CSMD1: variants seen among roughly 807,000 people sequenced by gnomAD.
The protein encoded by CSMD1 is CUB and Sushi multiple domains 1.
A neutral mutation model predicts 417.5 loss-of-function variants in CSMD1; 213 were observed. That is an observed-to-expected ratio of 0.51 (90% CI 0.46 to 0.57). The LOEUF is 0.57. Among genes scored for constraint, CSMD1 ranks in the 20% least tolerant of loss-of-function variants. The probability of loss-of-function intolerance (pLI) is 0.00; values close to 1 mark genes in which losing one functional copy is unlikely to be tolerated. For synonymous variants in CSMD1, 2,862 were observed against 1,736.8 expected (o/e 1.65, Z -16.11); for missense variants, 6,923 against 4,529.7 (o/e 1.53, Z -15.17).
chr8:4,745,374 G>T (rs1182696224), intron 1 of CSMD1, among the ~76,000 whole-genome samples: 1 of 152,150 alleles, frequency 6.6e-6, no homozygotes, highest in Non-Finnish European at 1.5e-5. Context: ...TTTAGTAACA[G>T]CACCTAAGCT....
chr8:3,158,275 G>A (rs1819658452), intron 38 of CSMD1, among the ~76,000 whole-genome samples: 1 of 146,522 alleles, frequency 6.8e-6, no homozygotes, highest in African/African-American at 2.7e-5. Flanking sequence ...GGCAAAATAT[G>A]CATTTTTTTT....
At chr8:4,630,050 C>G (rs981275938) in intron 2 of CSMD1, among the ~76,000 whole-genome samples, 2 of 152,088 alleles carry the variant, frequency 1.3e-5, no homozygotes, top group African/African-American at 4.8e-5. Context: ...TTAAAAAAAG[C>G]CAAGATATGG....
chr8:4,594,866 T>G (rs1161075829), intron 2 of CSMD1, among the ~76,000 whole-genome samples: 1 of 152,204 alleles, frequency 6.6e-6, no homozygotes, highest in Non-Finnish European at 1.5e-5. Flanking sequence ...ATCTTCATCA[T>G]GCTGAAGAGA....
chr8:4,430,037 G>A (rs1215195349), intron 2 of CSMD1, among the ~76,000 whole-genome samples: 3 of 152,170 alleles, frequency 2.0e-5, no homozygotes, highest in African/African-American at 7.2e-5. Context: ...TCGACTGCCT[G>A]AGTTTTCAGA....
chr8:3,611,291 T>C (rs925501709), intron 8 of CSMD1, among the ~76,000 whole-genome samples: 91 of 152,090 alleles, frequency 6.0e-4, no homozygotes, highest in African/African-American at 2.0e-3. Context: ...GGGAAAATGA[T>C]TGTTTTAATA....
chr8:3,452,815 G>A (rs1012701555), intron 12 of CSMD1, among the ~76,000 whole-genome samples: 10 of 152,178 alleles, frequency 6.6e-5, no homozygotes, highest in African/African-American at 1.9e-4. Flanking sequence ...TTGGTATCAG[G>A]ATGATGTTGG....
intron 18 of CSMD1, among the ~76,000 whole-genome samples, chr8:3,382,415 AAC>A (rs1810685640): frequency 1.4e-5 from 2 of 143,108 alleles, no homozygotes; most frequent in African/African-American, 2.5e-5. Context: ...TATAATATAT[AAC>A]ACATAATATA....
chr8:4,952,908 C>G (rs956015032), intron 1 of CSMD1, among the ~76,000 whole-genome samples: 1 of 152,112 alleles, frequency 6.6e-6, no homozygotes, highest in Middle Eastern at 3.2e-3. Flanking sequence ...GAAATCTATA[C>G]TGAACTGATT....
chr8:3,550,826 A>G (rs1798877847), intron 10 of CSMD1, among the ~76,000 whole-genome samples: 1 of 152,208 alleles, frequency 6.6e-6, no homozygotes, highest in South Asian at 2.1e-4. Flanking sequence ...GTTGGATGGA[A>G]GAGTAAATAT....
rs939680033 is a variant in CSMD1 at position 4,067,604 on chromosome 8, C to T, written c.416-35505G>A. ...CATTTTTGTTTATTAATTATCAATT[C>T]TTTTATTCATCCAAAATGACCCTAC... On this transcript the variant is annotated intron_variant, in intron 3 of 69. Coordinates refer to ENST00000635120, the MANE Select transcript of CSMD1 (RefSeq NM_033225.6). Among the ~76,000 whole-genome samples the T allele has an allele frequency of 3.3e-5, 5 of 152,148 alleles. No homozygotes were observed. In the East Asian group the frequency reaches 5.8e-4, roughly 18 times the overall value.
Position 3,998,119 on chromosome 8 carries a change from G to A in CSMD1, c.611-9C>T, listed in dbSNP as rs527950824. On this transcript the variant is annotated splice_polypyrimidine_tract_variant and intron_variant, in intron 4 of 69. Coordinates refer to ENST00000635120, the MANE Select transcript of CSMD1 (RefSeq NM_033225.6). Reference sequence around the variant, plus strand: ...TCCGCAGGCTCCCTCAGCTGCAGGGGCAAAAGCAGAAAGAAAGCATCACAT... The same window carrying A: ...TCCGCAGGCTCCCTCAGCTGCAGGGACAAAAGCAGAAAGAAAGCATCACAT... 6.4e-6 allele frequency: 10 copies of A among 1,551,262 alleles called. No individual in the cohort carries two copies. Among genetic ancestry groups the A allele is most frequent in the Middle Eastern group, 1.9e-4 (1 of 5,190 alleles).
chr8:3,422,663 G>A (rs566418735), intron 12 of CSMD1, among the ~76,000 whole-genome samples: 1 of 152,232 alleles, frequency 6.6e-6, no homozygotes, highest in Non-Finnish European at 1.5e-5. Context: ...ATCTATTTTC[G>A]ATGCATTTTT....
intron 1 of CSMD1, among the ~76,000 whole-genome samples, chr8:4,943,510 A>C (rs1808163931): frequency 1.8e-3 from 4 of 2,228 alleles, no homozygotes; most frequent in South Asian, 0.05. Flanking sequence ...AAATAAAATG[A>C]AATAAAATAA....
At chr8:3,935,104 T>G (rs144765985) in intron 5 of CSMD1, among the ~76,000 whole-genome samples, 1 of 152,140 alleles carries the variant, frequency 6.6e-6, no homozygotes. Flanking sequence ...TAAAACAACA[T>G]GCCTTCTCAC....
chr8:3,311,650 A>G (rs1805356336), intron 23 of CSMD1, among the ~76,000 whole-genome samples: 1 of 152,226 alleles, frequency 6.6e-6, no homozygotes, highest in African/African-American at 2.4e-5. Context: ...TGGGTGCCCA[A>G]AGTATACTTT....
intron 3 of CSMD1, among the ~76,000 whole-genome samples, chr8:4,283,631 G>C (rs1035475649): frequency 6.6e-6 from 1 of 152,164 alleles, no homozygotes; most frequent in East Asian, 1.9e-4. Context: ...CCCAAGAAAT[G>C]TGGGTAGAGA....
In CSMD1 at chr8:3,223,713, C is replaced by G. The variant is rs766268571; in HGVS notation, c.4484+16G>C. The G allele has an allele frequency of 1.9e-6, 3 of 1,612,782 alleles. No individual in the cohort carries two copies. Among genetic ancestry groups the G allele is most frequent in the Non-Finnish European group, 1.7e-6 (2 of 1,179,344 alleles). On this transcript the variant is annotated intron_variant, in intron 28 of 69. Coordinates refer to ENST00000635120, the MANE Select transcript of CSMD1 (RefSeq NM_033225.6). ...AAAAATCCTACTAAAAAGAGGTATT[C>G]TGCAAGAGACGGTACCTTTTGAATA...
intron 18 of CSMD1, among the ~76,000 whole-genome samples, chr8:3,377,717 G>A (rs1000690105): frequency 4.6e-5 from 7 of 152,102 alleles, no homozygotes; most frequent in African/African-American, 1.2e-4. Context: ...CTGTTCACAT[G>A]CTGGCTACTT....
At chr8:3,975,227 T>C (rs1442525380) in intron 5 of CSMD1, among the ~76,000 whole-genome samples, 1 of 152,224 alleles carries the variant, frequency 6.6e-6, no homozygotes, top group Non-Finnish European at 1.5e-5. Flanking sequence ...TTACTTGGTT[T>C]ATGCCATTAC....
Sources: gnomAD v4.1 joint callset for allele counts (sites outside exome capture counted in the v4.1 genomes callset) on GRCh38, gnomAD v4.1.1 for gene constraint, MANE v1.5 for transcripts, NCBI Gene and HGNC (gene_info 2026-07-23, HGNC 2026-07-21) for gene names.